The following PCDHGB7 variants were observed in gnomAD, a reference collection of about 807,000 sequenced individuals.
PCDHGB7 encodes protocadherin gamma subfamily B, 7, also known as protocadherin gamma-B7.
Under a neutral mutation model 61.4 loss-of-function variants are expected in PCDHGB7, and 37 were observed. That is an observed-to-expected ratio of 0.60 (90% CI 0.46 to 0.79). The LOEUF is 0.79. PCDHGB7 is among the 30% of genes least tolerant of loss of function. The pLI, the probability that PCDHGB7 is intolerant of heterozygous loss-of-function variation, is 0.00. For synonymous variants in PCDHGB7, 464 were observed against 503.5 expected (o/e 0.92, Z 1.05); for missense variants, 1,166 against 1,202.5 (o/e 0.97, Z 0.45).
intron 1 of PCDHGB7, chr5:141,427,178 A>G (rs1175390589): frequency 4.4e-6 from 2 of 456,644 alleles, no homozygotes; most frequent in Admixed American, 2.3e-5. Flanking sequence ...AAAATGGGGA[A>G]ATTAAATCCA....
Position 141,512,574 on chromosome 5 carries a change from C to G in PCDHGB7, c.*1401C>G, listed in dbSNP as rs1429371202. 2 of 152,884 alleles carry G rather than the reference C, an allele frequency of 1.3e-5. No homozygotes were observed. Among genetic ancestry groups the G allele is most frequent in the South Asian group, 2.1e-4 (1 of 4,836 alleles). 9.5% of individuals were successfully genotyped at this position (152,884 alleles called of 1,614,324 possible). On this transcript the variant is annotated 3_prime_UTR_variant, in exon 4 of 4. Transcript: ENST00000398594. ...GTGCATAGACCTTCTTCTCCCACCC[C>G]CTTCTGCCCCTGGGTCCCCGGCCAT...
At chr5:141,504,517 T>C (rs1057166865) in intron 2 of PCDHGB7, among the ~76,000 whole-genome samples, 5 of 151,918 alleles carry the variant, frequency 3.3e-5, no homozygotes, top group African/African-American at 1.2e-4. Context: ...TCTCCTCTGA[T>C]ATATTTTATT....
In PCDHGB7 at chr5:141,489,201, G is replaced by A. The variant is rs757039294; in HGVS notation, c.2416-5606G>A. ...AGCCCTGGGTCTACCTTGGAGACAG[G>A]ACAGCACAGACTTACTCTCCACAAA... On this transcript the variant is annotated intron_variant, in intron 1 of 3. Coordinates refer to ENST00000398594, the MANE Select transcript of PCDHGB7 (RefSeq NM_018927.4). This position sits in a 1 kb window ranked among gnomAD's most constrained non-coding sequence, Gnocchi z 4.5. The A allele has an allele frequency of 7.8e-6, 11 of 1,416,092 alleles. No individual in the cohort carries two copies. In the African/African-American group the frequency reaches 1.3e-4, roughly 17 times the overall value. 87.7% of individuals were successfully genotyped at this position (1,416,092 alleles called of 1,614,324 possible).
intron 1 of PCDHGB7, among the ~76,000 whole-genome samples, chr5:141,474,448 A>G (rs1350019257): frequency 3.3e-5 from 5 of 152,204 alleles, no homozygotes; most frequent in Non-Finnish European, 5.9e-5. Context: ...GTAGCAAGTG[A>G]TTGGGCTATA....
At chr5:141,425,491 C>G (rs1243033082) in intron 1 of PCDHGB7, among the ~76,000 whole-genome samples, 1 of 152,200 alleles carries the variant, frequency 6.6e-6, no homozygotes, top group Non-Finnish European at 1.5e-5. Context: ...ACCTACTAGG[C>G]TATACCTTTA....
intron 1 of PCDHGB7, chr5:141,422,628 C>A: frequency 6.2e-7 from 1 of 1,613,410 alleles, no homozygotes; most frequent in Non-Finnish European, 8.5e-7. Context: ...AAAACAACCC[C>A]AGGGGTGCCT....
At chr5:141,488,913 A>G (rs887938731) in intron 1 of PCDHGB7, among the ~76,000 whole-genome samples, 4 of 152,196 alleles carry the variant, frequency 2.6e-5, no homozygotes, top group African/African-American at 7.2e-5. Flanking sequence ...TGTGTTCCCA[A>G]GGTTTCCAGG....
At position 141,511,349 on chromosome 5, in the gene PCDHGB7, C is replaced by CG; in HGVS notation, c.*176_*177insG. On this transcript the variant is annotated 3_prime_UTR_variant, in exon 4 of 4. Coordinates refer to ENST00000398594, the MANE Select transcript of PCDHGB7 (RefSeq NM_018927.4). The stretch of plus-strand genomic sequence containing the variant: ...GCCCAGTCAGCACCTACCCCTTCCC[C>CG]CCCAGGGGGTTGAATATGCAAAAGC... 7.1e-7 allele frequency: 1 copy of CG among 1,401,498 alleles called. No homozygotes were observed. Among genetic ancestry groups the CG allele is most frequent in the African/African-American group, 1.5e-5 (1 of 68,948 alleles). 86.8% of individuals were successfully genotyped at this position (1,401,498 alleles called of 1,614,324 possible).
At chr5:141,504,980 G>A (rs113323355) in intron 2 of PCDHGB7, among the ~76,000 whole-genome samples, 174 of 152,196 alleles carry the variant, frequency 1.1e-3, no homozygotes, top group African/African-American at 3.9e-3. Context: ...TGGCCAACAT[G>A]GTGAAACCCC....
chr5:141,443,999 T>C (rs2098413024), intron 1 of PCDHGB7, among the ~76,000 whole-genome samples: 1 of 152,136 alleles, frequency 6.6e-6, no homozygotes, highest in Non-Finnish European at 1.5e-5. Context: ...TTTTAAATGC[T>C]ACCTGGGTAT....
chr5:141,427,546 C>T (rs779995777), intron 1 of PCDHGB7: 1 of 639,564 alleles, frequency 1.6e-6, no homozygotes, highest in South Asian at 1.5e-5. Context: ...GTCACCATCA[C>T]TGCCACTGAC....
chr5:141,421,713 T>G, intron 1 of PCDHGB7: 1 of 1,613,932 alleles, frequency 6.2e-7, no homozygotes, highest in South Asian at 1.1e-5. Flanking sequence ...GGGATCCAGA[T>G]GTGGGCGTGA....
rs1369821635 is a variant in PCDHGB7, at chr5:141,512,208, G to T, written c.*1035G>T. ...TTCAGTCCAAGGAAGCTCGAAGCAG[G>T]TTTAGGACCAGGTCCCCTTGAGAGG... On this transcript the variant is annotated 3_prime_UTR_variant, in exon 4 of 4. Coordinates refer to ENST00000398594, the MANE Select transcript of PCDHGB7 (RefSeq NM_018927.4). 6.5e-6 allele frequency: 1 copy of T among 152,758 alleles called. No homozygotes were observed. The highest frequency in any genetic ancestry group is 2.4e-5 in the African/African-American group (1 of 41,454). The allele number at this position is 152,758 out of a possible 1,614,324, so 9.5% of individuals were successfully genotyped here.
intron 1 of PCDHGB7, among the ~76,000 whole-genome samples, chr5:141,448,877 G>A (rs1421211206): frequency 6.6e-6 from 1 of 152,112 alleles, no homozygotes; most frequent in African/African-American, 2.4e-5. Flanking sequence ...CCTGGGAGGC[G>A]GAGCTTGCAG....
chr5:141,438,344 C>A (rs1591501799), intron 1 of PCDHGB7, among the ~76,000 whole-genome samples: 1 of 151,664 alleles, frequency 6.6e-6, no homozygotes, highest in African/African-American at 2.4e-5. Flanking sequence ...ATATAAGGAT[C>A]TACTCTGTGT....
At chr5:141,507,797 C>T (rs933921827) in intron 3 of PCDHGB7, among the ~76,000 whole-genome samples, 3 of 152,240 alleles carry the variant, frequency 2.0e-5, no homozygotes, top group Non-Finnish European at 2.9e-5. Flanking sequence ...TCTAAGCCTG[C>T]GCCCTGGGGA....
chr5:141,462,262 A>G (rs2099035971), intron 1 of PCDHGB7, among the ~76,000 whole-genome samples: 1 of 152,192 alleles, frequency 6.6e-6, no homozygotes, highest in African/African-American at 2.4e-5. Flanking sequence ...GACCAGCCTA[A>G]AGTGTATTGT....
chr5:141,426,879 G>T, intron 1 of PCDHGB7: 1 of 456,710 alleles, frequency 2.2e-6, no homozygotes. Flanking sequence ...GAAGCCCCTG[G>T]GCCAGGAGCA....
intron 1 of PCDHGB7, among the ~76,000 whole-genome samples, chr5:141,471,913 G>A (rs1307168228): frequency 6.6e-6 from 1 of 152,164 alleles, no homozygotes. Context: ...CAAGCATGAG[G>A]GAAATTTTGG....
Sources: gnomAD v4.1 joint callset for allele counts (sites outside exome capture counted in the v4.1 genomes callset) on GRCh38, gnomAD v4.1.1 for gene constraint, Gnocchi (gnomAD v3.1) non-coding constraint, MANE v1.5 for transcripts, NCBI Gene and HGNC (gene_info 2026-07-23, HGNC 2026-07-21) for gene names.